NEBL: variants seen among roughly 807,000 people sequenced by gnomAD.
The protein encoded by NEBL is nebulette, also known as LIM and SH3 protein 2.
A neutral mutation model predicts 140.2 loss-of-function variants in NEBL; 122 were observed. The ratio of observed to expected loss-of-function variants is 0.87; its 90% CI spans 0.75 to 1.01. The LOEUF (loss-of-function observed/expected upper bound fraction) is 1.01. Ranked by LOEUF, NEBL falls within the 50% of genes least tolerant of loss-of-function variation. NEBL has a pLI of 0.00. For synonymous variants in NEBL, 436 were observed against 398.9 expected, an observed-to-expected ratio of 1.09 and a Z score of -1.11; for missense variants, 1,365 against 1,231.3, an observed-to-expected ratio of 1.11 and a Z score of -1.62.
intron 2 of NEBL, among the ~76,000 whole-genome samples, chr10:21,067,645 G>C (rs1332495469): frequency 1.3e-5 from 2 of 152,062 alleles, no homozygotes; most frequent in Non-Finnish European, 2.9e-5. Flanking sequence ...GGGAGAAGGG[G>C]GGACCTCTCA....
At chr10:20,865,187 T>C (rs1040400511) in intron 7 of NEBL, among the ~76,000 whole-genome samples, 5 of 152,174 alleles carry the variant, frequency 3.3e-5, no homozygotes, top group Non-Finnish European at 5.9e-5. Context: ...ATATTCCTTC[T>C]CCACTCTGTG....
chr10:21,170,734 A>C (rs905880584), intron 2 of NEBL: 6 of 152,642 alleles, frequency 3.9e-5, no homozygotes, highest in African/African-American at 1.4e-4. Flanking sequence ...AGCACTAAGG[A>C]GTAAGGAAAA....
rs1588797244 is a variant in NEBL, at chr10:20,850,924, T to G, written c.1009-422A>C. ...AACAAGAAAGAAAACATGGGTATGATTCTCTATTTTTTCTGTCAAACGGAG... is the reference window on the plus strand; with the variant it reads ...AACAAGAAAGAAAACATGGGTATGAGTCTCTATTTTTTCTGTCAAACGGAG... On this transcript the variant is annotated intron_variant, in intron 10 of 27. Transcript: ENST00000377122. Among the ~76,000 whole-genome samples, 8 of 152,292 alleles carry G rather than the reference T, an allele frequency of 5.3e-5. 1 individual carries two copies. The East Asian group carries it at 1.2e-3, about 22-fold the overall frequency.
rs571418700 is a variant in NEBL at position 21,112,313 on chromosome 10, T to G, written c.164+60070A>C. Reference sequence around the variant, plus strand: ...CACATATGTTTATTGCAGCACTATTTACAATAGCAAAGACTTGGAACCAAC... The same window carrying G: ...CACATATGTTTATTGCAGCACTATTGACAATAGCAAAGACTTGGAACCAAC... On this transcript the variant is annotated intron_variant, in intron 2 of 6. Coordinates refer to the NEBL transcript ENST00000417816. Among the ~76,000 whole-genome samples, 348 of 152,134 alleles carry G rather than the reference T, an allele frequency of 2.3e-3. 2 individuals are homozygous for G. Among genetic ancestry groups the G allele is most frequent in the African/African-American group, 7.5e-3 (310 of 41,486 alleles).
intron 3 of NEBL, among the ~76,000 whole-genome samples, chr10:20,965,508 A>G (rs187587154): frequency 2.0e-5 from 3 of 152,330 alleles, no homozygotes. Context: ...AGAAAGGTCA[A>G]GGAAGGCCGC....
intron 2 of NEBL, among the ~76,000 whole-genome samples, chr10:21,092,794 T>A (rs1325406952): frequency 6.6e-6 from 1 of 152,100 alleles, no homozygotes; most frequent in African/African-American, 2.4e-5. Flanking sequence ...ATCTGATATT[T>A]CTTATGAAGA....
At chr10:21,113,172 G>T in intron 2 of NEBL, 1 of 295,742 alleles carries the variant, frequency 3.4e-6, no homozygotes. Context: ...GGAAACTGAA[G>T]AAAAAGTGCC....
chr10:21,148,532 T>G (rs1840005327), intron 2 of NEBL, among the ~76,000 whole-genome samples: 1 of 152,144 alleles, frequency 6.6e-6, no homozygotes, highest in South Asian at 2.1e-4. Context: ...TTTTTGTTTT[T>G]GTTTTTGTTT....
chr10:21,202,947 A>C (rs1242250641), intron 3 of NEBL, among the ~76,000 whole-genome samples: 1 of 152,222 alleles, frequency 6.6e-6, no homozygotes, highest in African/African-American at 2.4e-5. Context: ...TGCTCAGACC[A>C]CAGAAAATTC....
chr10:21,190,764 A>G (rs1397212998), intron 3 of NEBL, among the ~76,000 whole-genome samples: 4 of 152,260 alleles, frequency 2.6e-5, no homozygotes, highest in Non-Finnish European at 5.9e-5. Context: ...TGTAGAACAC[A>G]GAAAAATGAT....
At chr10:20,816,949 G>A (rs891333065) in intron 21 of NEBL, among the ~76,000 whole-genome samples, 1 of 152,134 alleles carries the variant, frequency 6.6e-6, no homozygotes, top group African/African-American at 2.4e-5. Flanking sequence ...GCAAGAACAG[G>A]AACACATGCT....
intron 4 of NEBL, among the ~76,000 whole-genome samples, chr10:20,931,775 A>G (rs1274785131): frequency 6.6e-6 from 1 of 152,156 alleles, no homozygotes; most frequent in Non-Finnish European, 1.5e-5. Flanking sequence ...CCAGCCCCAT[A>G]TTCTATCATC....
At chr10:20,980,513 G>A (rs1224361041) in intron 3 of NEBL, among the ~76,000 whole-genome samples, 1 of 152,172 alleles carries the variant, frequency 6.6e-6, no homozygotes, top group Non-Finnish European at 1.5e-5. Context: ...CGTTGGTTAA[G>A]GTCATGTACA....
rs148206494 is a variant in NEBL at position 21,101,110 on chromosome 10, G to A, written c.164+71273C>T. Among the ~76,000 whole-genome samples, 654 of 152,270 alleles carry A rather than the reference G, an allele frequency of 4.3e-3. 7 individuals carry two copies. Among genetic ancestry groups the A allele is most frequent in the African/African-American group, 0.015 (617 of 41,542 alleles). Reference sequence around the variant, plus strand: ...TGGACCAGGGATGGGGTAGAAAGGTGAGCCTGTCTCCTAGCCACATGACTC... The same window carrying A: ...TGGACCAGGGATGGGGTAGAAAGGTAAGCCTGTCTCCTAGCCACATGACTC... On this transcript the variant is annotated intron_variant, in intron 2 of 6. Transcript: ENST00000417816.
chr10:21,167,110 C>T (rs969683987), intron 2 of NEBL, among the ~76,000 whole-genome samples: 1 of 152,180 alleles, frequency 6.6e-6, no homozygotes, highest in Non-Finnish European at 1.5e-5. Flanking sequence ...TGACTCGTCA[C>T]GAGATGCACC....
At chr10:21,023,582 C>G (rs780508630) in intron 2 of NEBL, among the ~76,000 whole-genome samples, 5 of 152,094 alleles carry the variant, frequency 3.3e-5, no homozygotes, top group Admixed American at 6.6e-5. Context: ...GTAATCCCAG[C>G]TACTTGGGAG....
At chr10:20,845,873 G>A (rs753855979) in intron 11 of NEBL, among the ~76,000 whole-genome samples, 52 of 152,188 alleles carry the variant, frequency 3.4e-4, no homozygotes, top group Non-Finnish European at 6.6e-4. Context: ...GAGGGTTAGG[G>A]AGGGGGTTTC....
At chr10:21,123,283 C>T (rs1320247384) in intron 2 of NEBL, among the ~76,000 whole-genome samples, 1 of 152,150 alleles carries the variant, frequency 6.6e-6, no homozygotes. Flanking sequence ...TGGGACACTC[C>T]AGTGTATTTG....
intron 2 of NEBL, among the ~76,000 whole-genome samples, chr10:21,075,586 C>T (rs1417773023): frequency 6.6e-6 from 1 of 152,110 alleles, no homozygotes; most frequent in Non-Finnish European, 1.5e-5. Context: ...ATGCAGTTGC[C>T]CAAAAGTGAG....
Sources: allele counts gnomAD v4.1 joint callset (sites outside exome capture counted in the v4.1 genomes callset), GRCh38; gene constraint gnomAD v4.1.1; transcripts MANE v1.5; gene names NCBI Gene and HGNC (gene_info 2026-07-23, HGNC 2026-07-21).